Variants in CDYL observed in about 807,000 individuals in gnomAD.
CDYL encodes the protein chromodomain Y-like protein.
In CDYL, 8 loss-of-function variants were observed where a neutral mutation model predicts 47.3. The observed-to-expected ratio is 0.17, with a 90% CI of 0.10 to 0.31. The LOEUF (loss-of-function observed/expected upper bound fraction) is 0.31. Among genes scored for constraint, CDYL ranks in the 10% least tolerant of loss-of-function variants. The pLI, the probability that CDYL is intolerant of heterozygous loss-of-function variation, is 1.00. For synonymous variants in CDYL, 266 were observed against 265.0 expected, an observed-to-expected ratio of 1.00 and a Z score of -0.04; for missense variants, 471 against 701.4, an observed-to-expected ratio of 0.67 and a Z score of 3.71.
Position 4,736,358 on chromosome 6 carries a change from C to T in CDYL, c.186+1514C>T, listed in dbSNP as rs1186381631. Among the ~76,000 whole-genome samples, 2 of 152,118 alleles carry T rather than the reference C, an allele frequency of 1.3e-5. 1 individual carries two copies. The highest frequency in any genetic ancestry group is 4.1e-4 in the South Asian group (2 of 4,822). ...TTGCTGGTACTACTATAGTTTGTTG[C>T]GTACATTCATAATTGGGGGAAATGC... On this transcript the variant is annotated intron_variant, in intron 3 of 8. Transcript: ENST00000328908.
At chr6:4,724,200 C>A (rs778309637) in intron 2 of CDYL, among the ~76,000 whole-genome samples, 1 of 150,550 alleles carries the variant, frequency 6.6e-6, no homozygotes, top group African/African-American at 2.5e-5. Flanking sequence ...GCCATCACAC[C>A]CAGCTAATTT....
intron 1 of CDYL, among the ~76,000 whole-genome samples, chr6:4,865,549 A>G (rs1265129459): frequency 6.6e-6 from 1 of 152,262 alleles, no homozygotes; most frequent in Non-Finnish European, 1.5e-5. Flanking sequence ...CCAAGTAACA[A>G]GCATTTGTTT....
At chr6:4,796,381 T>C (rs529490696) in intron 1 of CDYL, among the ~76,000 whole-genome samples, 1 of 152,336 alleles carries the variant, frequency 6.6e-6, no homozygotes, top group African/African-American at 2.4e-5. Context: ...ATAAAATATT[T>C]TATATTGGGA....
chr6:4,887,959 A>AT (rs760547370), intron 1 of CDYL, among the ~76,000 whole-genome samples: 11 of 146,286 alleles, frequency 7.5e-5, no homozygotes, highest in Admixed American at 3.4e-4. Context: ...ACAATATGTG[A>AT]TTTTTTCCCC....
At position 4,833,018 on chromosome 6, in the gene CDYL, A is replaced by C. The variant is rs1311167967; in HGVS notation, c.24+56211A>C. ...ATCAATTTTGTTGATCCTTTCAAAA[A>C]ACCAGCTCCTGGATTCATTAATTTT... On this transcript the variant is annotated intron_variant, in intron 1 of 6. Transcript: ENST00000397588. Among the ~76,000 whole-genome samples the C allele has an allele frequency of 6.6e-4, 99 of 151,102 alleles. 1 individual carries two copies. In the Middle Eastern group the frequency reaches 0.014, roughly 21 times the overall value.
At chr6:4,720,046 T>C (rs1245130433) in intron 2 of CDYL, among the ~76,000 whole-genome samples, 1 of 152,210 alleles carries the variant, frequency 6.6e-6, no homozygotes, top group Non-Finnish European at 1.5e-5. Flanking sequence ...TTTACTGCAT[T>C]ATTAATCGCA....
chr6:4,806,058 C>T (rs1050117399), intron 1 of CDYL, among the ~76,000 whole-genome samples: 2 of 152,244 alleles, frequency 1.3e-5, no homozygotes, highest in African/African-American at 4.8e-5. Context: ...TGCTGAGATT[C>T]GACCGCAGGG....
intron 2 of CDYL, chr6:4,734,648 A>AGGGAGGG (rs71311001): frequency 5.8e-6 from 8 of 1,387,970 alleles, no homozygotes; most frequent in African/African-American, 1.5e-5. Flanking sequence ...CTCCTAATTC[A>AGGGAGGG]GGAAGGGGAG....
At chr6:4,877,057 A>G (rs760330295) in intron 1 of CDYL, among the ~76,000 whole-genome samples, 2 of 152,200 alleles carry the variant, frequency 1.3e-5, no homozygotes, top group Non-Finnish European at 2.9e-5. Context: ...CTCGCCAGAC[A>G]CTGAATCTGC....
intron 1 of CDYL, among the ~76,000 whole-genome samples, chr6:4,829,685 G>C (rs1760080527): frequency 1.3e-5 from 2 of 152,202 alleles, no homozygotes; most frequent in African/African-American, 4.8e-5. Flanking sequence ...CTAGGTGTTT[G>C]TGGGTGTTAG....
At chr6:4,914,976 T>G (rs1333386562) in intron 2 of CDYL, among the ~76,000 whole-genome samples, 4 of 152,268 alleles carry the variant, frequency 2.6e-5, no homozygotes, top group Non-Finnish European at 5.9e-5. Context: ...GCACGTATCC[T>G]TGCCTTTATT....
At chr6:4,761,256 C>G (rs904655152) in intron 3 of CDYL, among the ~76,000 whole-genome samples, 1 of 152,160 alleles carries the variant, frequency 6.6e-6, no homozygotes, top group African/African-American at 2.4e-5. Context: ...CCTTTCAAAG[C>G]TGTATCTCGA....
intron 2 of CDYL, among the ~76,000 whole-genome samples, chr6:4,896,521 CAG>C (rs1188237186): frequency 1.3e-5 from 2 of 152,016 alleles, no homozygotes; most frequent in Non-Finnish European, 2.9e-5. Flanking sequence ...GTCTTTTGCT[CAG>C]AGAGGAGGGA....
At chr6:4,808,173 A>T (rs1394381492) in intron 1 of CDYL, among the ~76,000 whole-genome samples, 1 of 152,162 alleles carries the variant, frequency 6.6e-6, no homozygotes, top group African/African-American at 2.4e-5. Flanking sequence ...GCATTTAGAA[A>T]TGCACATGCG....
intron 1 of CDYL, among the ~76,000 whole-genome samples, chr6:4,782,533 C>A (rs1758644133): frequency 6.6e-6 from 1 of 152,158 alleles, no homozygotes; most frequent in African/African-American, 2.4e-5. Context: ...AAACTTAATT[C>A]TCTTCAGCCT....
intron 3 of CDYL, among the ~76,000 whole-genome samples, chr6:4,752,638 A>G (rs1758012969): frequency 1.3e-5 from 2 of 152,188 alleles, no homozygotes; most frequent in African/African-American, 2.4e-5. Flanking sequence ...TGAAAGGCCA[A>G]ATTGGCAAAG....
chr6:4,815,423 T>G (rs7748721), intron 1 of CDYL, among the ~76,000 whole-genome samples: 4,125 of 152,296 alleles, frequency 0.027, 190 homozygotes, highest in African/African-American at 0.094. Context: ...TGTAGAATAC[T>G]GTCATTTAGC....
At chr6:4,717,839 A>ATTTTTTTT (rs11450522) in intron 2 of CDYL, among the ~76,000 whole-genome samples, 3 of 144,206 alleles carry the variant, frequency 2.1e-5, no homozygotes, top group Non-Finnish European at 1.5e-5. Flanking sequence ...ACCCTGTTAG[A>ATTTTTTTT]TTTTTTTTTT....
intron 2 of CDYL, among the ~76,000 whole-genome samples, chr6:4,902,750 C>T (rs1017120062): frequency 2.6e-5 from 4 of 151,854 alleles, no homozygotes; most frequent in East Asian, 1.9e-4. Context: ...CCAGGGAGTC[C>T]AATTCTCCAA....
Sources: gnomAD v4.1 joint callset for allele counts (sites outside exome capture counted in the v4.1 genomes callset) on GRCh38, gnomAD v4.1.1 for gene constraint, MANE v1.5 for transcripts, NCBI Gene and HGNC (gene_info 2026-07-23, HGNC 2026-07-21) for gene names.